Variants in CADPS2 observed in about 807,000 individuals in gnomAD.
The protein encoded by CADPS2 is calcium-dependent secretion activator 2.
Under a neutral mutation model 172.5 loss-of-function variants are expected in CADPS2, and 93 were observed. That is an observed-to-expected ratio of 0.54 (90% CI 0.46 to 0.64). CADPS2 has a LOEUF of 0.64. CADPS2 is among the 30% of genes least tolerant of loss of function. The probability of loss-of-function intolerance (pLI) is 0.00; values close to 1 mark genes in which losing one functional copy is unlikely to be tolerated. For missense variants in CADPS2, 1,420 were observed against 1,565.9 expected, an observed-to-expected ratio of 0.91 and a Z score of 1.57; for synonymous variants, 546 against 555.2, an observed-to-expected ratio of 0.98 and a Z score of 0.23.
intron 1 of CADPS2, among the ~76,000 whole-genome samples, chr7:122,834,570 C>T (rs1388918890): frequency 6.6e-6 from 1 of 152,174 alleles, no homozygotes; most frequent in African/African-American, 2.4e-5. Flanking sequence ...ACCTGGAAAA[C>T]TGGGTCACTC....
chr7:122,592,141 GA>G (rs1587663700), intron 6 of CADPS2, among the ~76,000 whole-genome samples: 2 of 151,946 alleles, frequency 1.3e-5, no homozygotes, highest in Non-Finnish European at 1.5e-5. Context: ...AAATTTACAA[GA>G]AAAAAACAAA....
intron 11 of CADPS2, among the ~76,000 whole-genome samples, chr7:122,486,214 G>A (rs1303085116): frequency 2.0e-5 from 3 of 152,242 alleles, no homozygotes; most frequent in Middle Eastern, 6.8e-3. Context: ...CATTTTATAA[G>A]GCTATAGCTG....
chr7:122,663,572 GAAAACAAAAC>G lies in CADPS2; in HGVS notation c.454-13_454-4del, dbSNP rs565498642. The G allele has an allele frequency of 7.6e-5, 118 of 1,553,648 alleles. No individual in the cohort carries two copies. The East Asian group carries it at 1.1e-3, about 15-fold the overall frequency. On this transcript the variant is annotated splice_polypyrimidine_tract_variant and splice_region_variant and intron_variant, in intron 2 of 29. Transcript: ENST00000449022. ...ACTCGGTCACTCTTTAGAAAAACCT[GAAAACAAAAC>G]AAAACAAAACAAAACAAAAAACAAT...
At chr7:122,412,204 A>C (rs970817791) in intron 19 of CADPS2, among the ~76,000 whole-genome samples, 1 of 152,210 alleles carries the variant, frequency 6.6e-6, no homozygotes, top group African/African-American at 2.4e-5. Context: ...AAAAAGATTT[A>C]TCTCACTGAC....
intron 14 of CADPS2, among the ~76,000 whole-genome samples, chr7:122,461,231 T>C (rs1321618900): frequency 2.0e-5 from 3 of 152,140 alleles, no homozygotes; most frequent in East Asian, 1.9e-4. Context: ...TTAAAAGATA[T>C]AGAAGATAAA....
intron 2 of CADPS2, among the ~76,000 whole-genome samples, chr7:122,730,216 TG>T (rs1218932846): frequency 6.6e-6 from 1 of 151,666 alleles, no homozygotes; most frequent in Non-Finnish European, 1.5e-5. Flanking sequence ...GAAATATGAA[TG>T]ACCAATATAG....
chr7:122,521,077 AAG>A (rs1173429239), intron 8 of CADPS2, among the ~76,000 whole-genome samples: 1 of 152,094 alleles, frequency 6.6e-6, no homozygotes, highest in Non-Finnish European at 1.5e-5. Context: ...ACAATACAGA[AAG>A]AAAAAAAAAT....
At chr7:122,698,990 C>A in intron 2 of CADPS2, 5 of 1,129,008 alleles carry the variant, frequency 4.4e-6, no homozygotes, top group Non-Finnish European at 6.2e-6. Context: ...TTTAAAATAA[C>A]GAAGAGAAAA....
rs1456048386 is a variant in CADPS2, at chr7:122,487,759, C to T, written c.1852+2322G>A. On this transcript the variant is annotated intron_variant, in intron 11 of 29. Transcript: ENST00000449022. ...AACTGAACATTACACAGGTATGGAT[C>T]TGGAGGCATTCTATGTTTCCATCTC... 2.0e-5 allele frequency among the ~76,000 whole-genome samples: 3 copies of T among 152,198 alleles called. No individual in the cohort carries two copies. In the East Asian group the frequency reaches 5.8e-4, roughly 29 times the overall value.
At position 122,345,423 on chromosome 7, in the gene CADPS2, C is replaced by T. The variant is rs1350451605; in HGVS notation, c.3612+151G>A. The T allele has an allele frequency of 1.7e-5, 9 of 541,728 alleles. No homozygotes were observed. In the Admixed American group the frequency reaches 1.8e-4, roughly 11 times the overall value. The allele number at this position is 541,728 out of a possible 1,614,324, so 33.6% of individuals were successfully genotyped here. On this transcript the variant is annotated intron_variant, in intron 28 of 29. Coordinates refer to ENST00000449022, the MANE Select transcript of CADPS2 (RefSeq NM_017954.11). The stretch of plus-strand genomic sequence containing the variant: ...AAAGTTCTGGGATTACAGGCATGAG[C>T]CACTATGCCTGGCCAGCTTCAACTT...
chr7:122,812,698 T>C (rs1354761119), intron 1 of CADPS2, among the ~76,000 whole-genome samples: 1 of 152,140 alleles, frequency 6.6e-6, no homozygotes, highest in Non-Finnish European at 1.5e-5. Context: ...GACCAATGTC[T>C]TATTTATCTT....
intron 1 of CADPS2, among the ~76,000 whole-genome samples, chr7:122,786,935 T>A (rs1794183093): frequency 6.6e-6 from 1 of 152,192 alleles, no homozygotes; most frequent in South Asian, 2.1e-4. Flanking sequence ...GAACAGGTCA[T>A]GGATGTAGCA....
intron 2 of CADPS2, among the ~76,000 whole-genome samples, chr7:122,708,572 T>C (rs2088054094): frequency 7.9e-6 from 1 of 126,174 alleles, no homozygotes. Context: ...TATATATATA[T>C]CTTCCTTGCT....
intron 7 of CADPS2, among the ~76,000 whole-genome samples, chr7:122,576,136 T>C (rs2132679067): frequency 6.6e-6 from 1 of 151,928 alleles, no homozygotes; most frequent in Non-Finnish European, 1.5e-5. Flanking sequence ...TTTTCTTTTT[T>C]ATGACCTTGA....
intron 1 of CADPS2, among the ~76,000 whole-genome samples, chr7:122,854,396 C>T (rs1297617610): frequency 5.9e-5 from 9 of 152,066 alleles, no homozygotes; most frequent in Non-Finnish European, 1.3e-4. Flanking sequence ...GAAGGTCTTG[C>T]GTTCACTGCC....
At chr7:122,519,125 T>C (rs771709451) in intron 8 of CADPS2, among the ~76,000 whole-genome samples, 20 of 152,076 alleles carry the variant, frequency 1.3e-4, no homozygotes, top group Non-Finnish European at 2.9e-4. Flanking sequence ...AAAGTTAAAT[T>C]TGATCCAAGA....
chr7:122,386,104 T>G (rs565947307), intron 24 of CADPS2, among the ~76,000 whole-genome samples: 68 of 152,192 alleles, frequency 4.5e-4, no homozygotes, highest in African/African-American at 1.5e-3. Flanking sequence ...AAGTATTTAG[T>G]GTTTTCATGA....
At chr7:122,370,188 T>A (rs1312982463) in intron 25 of CADPS2, among the ~76,000 whole-genome samples, 1 of 152,190 alleles carries the variant, frequency 6.6e-6, no homozygotes, top group Non-Finnish European at 1.5e-5. Flanking sequence ...TCACAGATTA[T>A]CCTACATGAC....
intron 1 of CADPS2, among the ~76,000 whole-genome samples, chr7:122,806,389 A>C (rs1212067345): frequency 2.0e-5 from 3 of 152,182 alleles, no homozygotes; most frequent in Non-Finnish European, 4.4e-5. Context: ...ATCTAACGAA[A>C]TGTGATTGGG....
Sources: gnomAD v4.1 joint callset for allele counts (sites outside exome capture counted in the v4.1 genomes callset) on GRCh38, gnomAD v4.1.1 for gene constraint, MANE v1.5 for transcripts, NCBI Gene and HGNC (gene_info 2026-07-23, HGNC 2026-07-21) for gene names.